TNNI3K: variants seen among roughly 807,000 people sequenced by gnomAD.
TNNI3K encodes TNNI3 interacting kinase, also known as serine/threonine-protein kinase TNNI3K.
A neutral mutation model predicts 114.5 loss-of-function variants in TNNI3K; 140 were observed. That is an observed-to-expected ratio of 1.22 (90% confidence interval 1.07 to 1.41). The LOEUF (loss-of-function observed/expected upper bound fraction) is 1.41, where lower values mean the gene tolerates loss of function less well. TNNI3K is among the 40% of genes most tolerant of loss of function. The probability of loss-of-function intolerance (pLI) is 0.00; values close to 1 mark genes in which losing one functional copy is unlikely to be tolerated. For synonymous variants in TNNI3K, 347 were observed against 347.5 expected (o/e 1.00, Z 0.02); for missense variants, 1,125 against 1,007.6 (o/e 1.12, Z -1.58).
intron 24 of TNNI3K, among the ~76,000 whole-genome samples, chr1:74,543,117 T>A (rs1432601465): frequency 7.5e-6 from 1 of 132,556 alleles, no homozygotes; most frequent in Non-Finnish European, 1.6e-5. Context: ...GCTCTGTTGC[T>A]AGGCTGGAGT....
At chr1:74,305,195 T>C (rs144355138) in intron 5 of TNNI3K, among the ~76,000 whole-genome samples, 45 of 152,218 alleles carry the variant, frequency 3.0e-4, no homozygotes, top group East Asian at 1.7e-3. Context: ...TTTGGTCAAA[T>C]TGACAATTTT....
intron 24 of TNNI3K, among the ~76,000 whole-genome samples, chr1:74,541,123 T>C (rs1646722208): frequency 6.6e-6 from 1 of 152,142 alleles, no homozygotes; most frequent in Non-Finnish European, 1.5e-5. Context: ...TATCTGTCAG[T>C]TAAAGAGATC....
chr1:74,387,484 A>G (rs897452412), intron 17 of TNNI3K, among the ~76,000 whole-genome samples: 74 of 152,352 alleles, frequency 4.9e-4, no homozygotes, highest in Non-Finnish European at 1.2e-4. Flanking sequence ...TGTTTCAAAA[A>G]GAGAACCATA....
intron 23 of TNNI3K, among the ~76,000 whole-genome samples, chr1:74,498,453 A>T (rs1181737509): frequency 6.6e-6 from 1 of 152,202 alleles, no homozygotes; most frequent in Non-Finnish European, 1.5e-5. Flanking sequence ...TAAATATGTT[A>T]AAAACAGAAA....
At chr1:74,514,326 C>T (rs755051344) in intron 23 of TNNI3K, among the ~76,000 whole-genome samples, 9 of 152,310 alleles carry the variant, frequency 5.9e-5, no homozygotes, top group East Asian at 5.8e-4. Flanking sequence ...AAGCTGAAAG[C>T]GCTTTGTGAT....
In TNNI3K at chr1:74,367,348, C is replaced by T; in HGVS notation, c.1264+6C>T. ...ATATTCTCAGCCTGGAGGAGGTACC[C>T]CTTTTCTTATTCAGTTTTCATTATT... On this transcript the variant is annotated splice_donor_region_variant and intron_variant, in intron 12 of 24. Coordinates refer to ENST00000326637, the MANE Select transcript of TNNI3K (RefSeq NM_015978.3). 6.2e-7 allele frequency: 1 copy of T among 1,611,442 alleles called. No homozygotes were observed. The highest frequency in any genetic ancestry group is 8.5e-7 in the Non-Finnish European group (1 of 1,178,392).
At chr1:74,237,634 G>A (rs1047547886) in intron 2 of TNNI3K, among the ~76,000 whole-genome samples, 6 of 151,890 alleles carry the variant, frequency 4.0e-5, no homozygotes, top group Admixed American at 1.3e-4. Flanking sequence ...ATACCACATC[G>A]ACAACTACAA....
intron 21 of TNNI3K, among the ~76,000 whole-genome samples, chr1:74,488,767 C>T (rs183569581): frequency 6.6e-6 from 1 of 152,270 alleles, no homozygotes; most frequent in East Asian, 1.9e-4. Flanking sequence ...CTGAGATGAT[C>T]TTTTCAAAAG....
Position 74,480,735 on chromosome 1 carries a change from TGTGAAGCTTGCTGAAGGTG to T in TNNI3K, c.2122-8453_2122-8435del, listed in dbSNP as rs750831964. On this transcript the variant is annotated intron_variant, in intron 21 of 24. Transcript: ENST00000326637. ...TTGCTCAGCACCAGTACCTGCAGGC[TGTGAAGCTTGCTGAAGGTG>T]TGATCAGTGAGCGAAGAGCTGGATA... 4.2e-6 allele frequency: 3 copies of T among 717,490 alleles called. No individual in the cohort carries two copies. In the South Asian group the frequency reaches 4.4e-5, roughly 11 times the overall value. 44.4% of individuals were successfully genotyped at this position (717,490 alleles called of 1,614,324 possible). A position where few individuals can be genotyped will look rare whatever the true frequency, so the allele number is the denominator to read the frequency against.
chr1:74,258,432 T>C (rs1043189760), intron 4 of TNNI3K, among the ~76,000 whole-genome samples: 4 of 152,230 alleles, frequency 2.6e-5, no homozygotes, highest in African/African-American at 7.2e-5. Flanking sequence ...GGATATTGTG[T>C]GACTTGCTTT....
intron 21 of TNNI3K, among the ~76,000 whole-genome samples, chr1:74,481,592 G>A (rs1018745651): frequency 1.3e-5 from 2 of 152,152 alleles, no homozygotes; most frequent in Admixed American, 6.6e-5. Flanking sequence ...TATAGTCTGG[G>A]CCATCTTGGC....
chr1:74,436,519 A>C lies in TNNI3K; in HGVS notation c.1871A>C (p.Gln624Pro), dbSNP rs1296700000. ...QSLDEDNMTK[Q>P]PGNLRWMAPE... ...CTGGATGAAGACAACATGACAAAAC[A>C]ACCTGGGGTTTGCTGCTGCTTGTGT... is the stretch of plus-strand genomic sequence containing the variant. The change falls in exon 19 of 25, where the codon CAA becomes CCA. Residue 624 changes from glutamine (Q) to proline (P), a missense_variant. Transcript: ENST00000326637. 1 of 1,586,094 alleles carries C rather than the reference A, an allele frequency of 6.3e-7. No individual in the cohort carries two copies. The highest frequency in any genetic ancestry group is 2.0e-5 in the Admixed American group (1 of 50,944).
intron 21 of TNNI3K, among the ~76,000 whole-genome samples, chr1:74,483,021 T>C (rs1668581347): frequency 6.6e-6 from 1 of 152,238 alleles, no homozygotes; most frequent in Admixed American, 6.5e-5. Context: ...AAAATGGTGA[T>C]ATTCTTTTGC....
intron 23 of TNNI3K, among the ~76,000 whole-genome samples, chr1:74,538,420 T>A (rs1037291049): frequency 6.6e-6 from 1 of 152,158 alleles, no homozygotes; most frequent in African/African-American, 2.4e-5. Flanking sequence ...AACTCTTTTT[T>A]AAGCTTCTCT....
chr1:74,265,716 A>G (rs1218767480), intron 4 of TNNI3K, among the ~76,000 whole-genome samples: 1 of 152,100 alleles, frequency 6.6e-6, no homozygotes, highest in African/African-American at 2.4e-5. Flanking sequence ...TAATCCTCAC[A>G]ACAATGCTAT....
intron 5 of TNNI3K, among the ~76,000 whole-genome samples, chr1:74,287,212 C>A (rs1045079601): frequency 2.0e-5 from 3 of 152,102 alleles, no homozygotes; most frequent in Admixed American, 2.0e-4. Flanking sequence ...AAGCCTACAG[C>A]ACTTTTGGTA....
chr1:74,520,337 G>T (rs899971472), intron 23 of TNNI3K, among the ~76,000 whole-genome samples: 2 of 152,086 alleles, frequency 1.3e-5, no homozygotes, highest in Non-Finnish European at 2.9e-5. Context: ...CCTCGCTTCC[G>T]ACTTTTCTGA....
chr1:74,522,768 G>A (rs1646451656), intron 23 of TNNI3K, among the ~76,000 whole-genome samples: 2 of 152,118 alleles, frequency 1.3e-5, no homozygotes, highest in Admixed American at 6.6e-5. Context: ...ATTAAAACTG[G>A]TGTATTTCTT....
rs183819545 is a variant in TNNI3K, at chr1:74,250,736, T to C, written c.300T>C (p.Asn100=). 1.5e-5 allele frequency: 25 copies of C among 1,613,102 alleles called. No homozygotes were observed. The Admixed American group carries it at 4.2e-4, about 27-fold the overall frequency. The part of the protein sequence containing the change: ...KGLRPSRLTR[N]GFTALHLAVY... Reference sequence around the variant, plus strand: ...TCCGCCCATCTCGACTGACAAGAAATGGATTTACAGCCTTGCATTTAGCAG... The same window carrying C: ...TCCGCCCATCTCGACTGACAAGAAACGGATTTACAGCCTTGCATTTAGCAG... Residue 100 remains asparagine, a synonymous_variant, in exon 4 of 25, where the codon AAT becomes AAC. Coordinates refer to ENST00000326637, the MANE Select transcript of TNNI3K (RefSeq NM_015978.3).
Sources: allele counts gnomAD v4.1 joint callset (sites outside exome capture counted in the v4.1 genomes callset), GRCh38; gene constraint gnomAD v4.1.1; transcripts MANE v1.5; gene names NCBI Gene and HGNC (gene_info 2026-07-23, HGNC 2026-07-21).